Variants in PCDH15 observed in about 807,000 individuals in gnomAD.
The protein encoded by PCDH15 is protocadherin related 15.
In PCDH15, 129 loss-of-function variants were observed where a neutral mutation model predicts 178.5. The ratio of observed to expected loss-of-function variants is 0.72; its 90% CI spans 0.63 to 0.84. The LOEUF (loss-of-function observed/expected upper bound fraction) is 0.84. Among genes scored for constraint, PCDH15 ranks in the 40% least tolerant of loss-of-function variants. PCDH15 has a pLI of 0.00. For synonymous variants in PCDH15, 800 were observed against 732.0 expected, an observed-to-expected ratio of 1.09 and a Z score of -1.50; for missense variants, 2,230 against 2,099.9, an observed-to-expected ratio of 1.06 and a Z score of -1.21.
chr10:55,435,241 A>G (rs1036658181), intron 2 of PCDH15, among the ~76,000 whole-genome samples: 1 of 152,202 alleles, frequency 6.6e-6, no homozygotes, highest in African/African-American at 2.4e-5. Flanking sequence ...ATAAGCTTAA[A>G]GGTACGAAGG....
intron 8 of PCDH15, among the ~76,000 whole-genome samples, chr10:54,309,529 C>T (rs1371948823): frequency 1.3e-5 from 2 of 152,020 alleles, no homozygotes; most frequent in East Asian, 1.9e-4. Context: ...CACGGTGGCT[C>T]ATGCCTATAA....
chr10:55,272,115 A>G (rs1396412577), intron 1 of PCDH15, among the ~76,000 whole-genome samples: 1 of 152,044 alleles, frequency 6.6e-6, no homozygotes. Flanking sequence ...AGAGTAGCAC[A>G]TAAGAATAGT....
chr10:54,257,400 C>CT (rs1242208948), intron 8 of PCDH15, among the ~76,000 whole-genome samples: 1 of 68,822 alleles, frequency 1.5e-5, no homozygotes. Flanking sequence ...AGAGAATTGT[C>CT]TTCTTTTTTT....
chr10:54,368,407 T>A (rs1947124594), intron 5 of PCDH15, among the ~76,000 whole-genome samples: 3 of 151,978 alleles, frequency 2.0e-5, no homozygotes, highest in African/African-American at 7.2e-5. Context: ...GTGTCTAACA[T>A]ACACATAATA....
chr10:54,237,959 A>C (rs1291840608), intron 8 of PCDH15, among the ~76,000 whole-genome samples: 2 of 152,166 alleles, frequency 1.3e-5, no homozygotes, highest in African/African-American at 4.8e-5. Flanking sequence ...ACTTTCAAGA[A>C]ACACCCATTA....
intron 1 of PCDH15, among the ~76,000 whole-genome samples, chr10:54,709,724 C>A (rs1016626279): frequency 2.1e-5 from 3 of 144,834 alleles, no homozygotes; most frequent in African/African-American, 5.1e-5. Context: ...CAGGACATAT[C>A]TAAAATATAT....
chr10:55,218,269 C>T (rs573068163), intron 1 of PCDH15, among the ~76,000 whole-genome samples: 17 of 152,120 alleles, frequency 1.1e-4, no homozygotes, highest in Non-Finnish European at 5.9e-5. Context: ...CTTCTTTCCT[C>T]CACACCACAT....
chr10:53,920,292 A>G (rs1043907929), intron 25 of PCDH15, among the ~76,000 whole-genome samples: 1 of 152,176 alleles, frequency 6.6e-6, no homozygotes, highest in African/African-American at 2.4e-5. Context: ...AGAATTGTCT[A>G]TAAAAAGTGA....
At chr10:55,168,522 G>A (rs1343303655) in intron 1 of PCDH15, among the ~76,000 whole-genome samples, 4 of 152,086 alleles carry the variant, frequency 2.6e-5, no homozygotes, top group Non-Finnish European at 5.9e-5. Context: ...TTCCCCTAGG[G>A]GTTCTGTACA....
intron 3 of PCDH15, among the ~76,000 whole-genome samples, chr10:54,465,361 G>A (rs964106849): frequency 6.6e-6 from 1 of 151,972 alleles, no homozygotes; most frequent in Admixed American, 6.6e-5. Context: ...CTGTTTAAAT[G>A]TATGTTTAGA....
intron 27 of PCDH15, among the ~76,000 whole-genome samples, chr10:53,859,193 C>T (rs2133064167): frequency 6.6e-6 from 1 of 152,194 alleles, no homozygotes; most frequent in East Asian, 1.9e-4. Flanking sequence ...CCATCATCTC[C>T]TCTAACTGCT....
intron 18 of PCDH15, among the ~76,000 whole-genome samples, chr10:54,025,335 G>A (rs2135350663): frequency 6.6e-6 from 1 of 152,220 alleles, no homozygotes. Context: ...TCTTTCTGGA[G>A]ACTCTAAGGA....
In PCDH15 at chr10:55,518,595, T is replaced by G. The variant is rs576836774; in HGVS notation, c.-156+109030A>C. On this transcript the variant is annotated intron_variant, in intron 2 of 5. Coordinates refer to the PCDH15 transcript ENST00000613346. ...TTCACCCTCATACAATGGGCCCCAG[T>G]AAAACAGCGGGCCTTAATAAACACA... Among the ~76,000 whole-genome samples the G allele has an allele frequency of 5.3e-5, 8 of 151,956 alleles. No homozygotes were observed. The East Asian group carries it at 1.6e-3, about 30-fold the overall frequency.
chr10:55,507,036 A>C (rs1020175418), intron 2 of PCDH15, among the ~76,000 whole-genome samples: 1 of 151,494 alleles, frequency 6.6e-6, no homozygotes, highest in Non-Finnish European at 1.5e-5. Context: ...TACTTTTTAA[A>C]ATAGAATTTA....
At chr10:55,056,182 A>C (rs1221544571) in intron 2 of PCDH15, among the ~76,000 whole-genome samples, 1 of 152,132 alleles carries the variant, frequency 6.6e-6, no homozygotes, top group African/African-American at 2.4e-5. Context: ...CCCTCTATTA[A>C]CTTTCCACTG....
upstream of PCDH15, among the ~76,000 whole-genome samples, chr10:54,803,185 C>T (rs1952718352): frequency 6.6e-6 from 1 of 152,138 alleles, no homozygotes; most frequent in South Asian, 2.1e-4. Context: ...TTGAATCCTA[C>T]TCTGAATATG....
intron 1 of PCDH15, among the ~76,000 whole-genome samples, chr10:55,292,720 A>T (rs909468626): frequency 1.3e-5 from 2 of 152,178 alleles, no homozygotes; most frequent in Admixed American, 1.3e-4. Flanking sequence ...TGATCTCTTT[A>T]ACTCCATGTT....
At chr10:54,209,591 G>T (rs1352041947) in intron 10 of PCDH15, among the ~76,000 whole-genome samples, 2 of 152,012 alleles carry the variant, frequency 1.3e-5, no homozygotes, top group African/African-American at 4.8e-5. Flanking sequence ...AATTTTTAAA[G>T]GATGTATATA....
intron 2 of PCDH15, among the ~76,000 whole-genome samples, chr10:55,500,928 T>C (rs968345000): frequency 1.3e-5 from 2 of 151,774 alleles, no homozygotes; most frequent in African/African-American, 2.4e-5. Context: ...GATCTTGTGA[T>C]CAAAATTAAC....
Sources: allele counts gnomAD v4.1 joint callset (sites outside exome capture counted in the v4.1 genomes callset), GRCh38; gene constraint gnomAD v4.1.1; transcripts MANE v1.5; gene names NCBI Gene and HGNC (gene_info 2026-07-23, HGNC 2026-07-21).